MGAT4C: variants seen among roughly 807,000 people sequenced by gnomAD.
MGAT4C encodes the protein alpha-1,3-mannosyl-glycoprotein 4-beta-N-acetylglucosaminyltransferase C.
In MGAT4C, 19 loss-of-function variants were observed where a neutral mutation model predicts 40.1. The ratio of observed to expected loss-of-function variants is 0.47; its 90% CI spans 0.33 to 0.70. The LOEUF is 0.70. Ranked by LOEUF, MGAT4C falls within the 30% of genes least tolerant of loss-of-function variation. The probability of loss-of-function intolerance (pLI) is 0.02; values close to 1 mark genes in which losing one functional copy is unlikely to be tolerated. For missense variants in MGAT4C, 491 were observed against 563.2 expected (o/e 0.87, Z 1.30); for synonymous variants, 181 against 187.1 (o/e 0.97, Z 0.27).
At chr12:86,170,813 C>A (rs1383716851) in intron 1 of MGAT4C, among the ~76,000 whole-genome samples, 1 of 151,622 alleles carries the variant, frequency 6.6e-6, no homozygotes, top group Admixed American at 6.6e-5. Context: ...AATAGCTGGG[C>A]ATGTTAGTGT....
At chr12:86,139,276 T>C (rs928228694) in intron 1 of MGAT4C, among the ~76,000 whole-genome samples, 2 of 152,166 alleles carry the variant, frequency 1.3e-5, no homozygotes, top group African/African-American at 4.8e-5. Context: ...TGGGTGCTTC[T>C]CTCTTTCCTC....
At position 85,976,460 on chromosome 12, in the gene MGAT4C, A is replaced by C. The variant is rs1040817981; in HGVS notation, c.*2829T>G. ...CATAACTGCTGAAAAGGCTCCCCTA[A>C]GGAGAATTTTAAGACTAAGTAAGGT... On this transcript the variant is annotated 3_prime_UTR_variant, in exon 5 of 5. Transcript: ENST00000611864. The C allele has an allele frequency of 2.7e-5, 4 of 150,668 alleles. No individual in the cohort carries two copies. The highest frequency in any genetic ancestry group is 3.2e-3 in the Middle Eastern group (1 of 314). 9.3% of individuals were successfully genotyped at this position (150,668 alleles called of 1,614,324 possible).
At chr12:86,594,114 A>G (rs1961439328) in intron 2 of MGAT4C, among the ~76,000 whole-genome samples, 1 of 152,136 alleles carries the variant, frequency 6.6e-6, no homozygotes, top group Non-Finnish European at 1.5e-5. Flanking sequence ...TTAAGTAGGG[A>G]GTGAGAAGAA....
intron 2 of MGAT4C, among the ~76,000 whole-genome samples, chr12:86,017,573 C>T (rs891820669): frequency 5.3e-5 from 8 of 151,954 alleles, no homozygotes; most frequent in African/African-American, 7.2e-5. Flanking sequence ...AAAAAGGTAA[C>T]GAAAAAATAT....
intron 4 of MGAT4C, among the ~76,000 whole-genome samples, chr12:86,319,138 A>G (rs988875572): frequency 3.3e-5 from 5 of 152,112 alleles, no homozygotes; most frequent in Non-Finnish European, 5.9e-5. Context: ...TTCTACTCCT[A>G]CTGAAGCCCA....
intron 2 of MGAT4C, among the ~76,000 whole-genome samples, chr12:86,481,044 G>A (rs1218236311): frequency 2.0e-5 from 3 of 151,986 alleles, no homozygotes; most frequent in Non-Finnish European, 4.4e-5. Context: ...AATAAAACAT[G>A]CCTATAATCC....
At chr12:86,043,052 T>TGG (rs1350679400) in intron 2 of MGAT4C, among the ~76,000 whole-genome samples, 2 of 152,102 alleles carry the variant, frequency 1.3e-5, no homozygotes, top group Non-Finnish European at 2.9e-5. Context: ...CTATGAGTCT[T>TGG]GGGGATGGTC....
intron 2 of MGAT4C, among the ~76,000 whole-genome samples, chr12:86,603,812 TATA>T (rs963545495): frequency 1.4e-5 from 2 of 138,318 alleles, no homozygotes; most frequent in Non-Finnish European, 3.1e-5. Context: ...TTATATAGTA[TATA>T]ATAATAGTAA....
chr12:86,748,055 A>G (rs905498141), intron 1 of MGAT4C, among the ~76,000 whole-genome samples: 2 of 151,654 alleles, frequency 1.3e-5, no homozygotes, highest in African/African-American at 4.8e-5. Flanking sequence ...TCACTGCATT[A>G]TTATTTATCA....
intron 2 of MGAT4C, among the ~76,000 whole-genome samples, chr12:86,448,009 T>C (rs766827971): frequency 6.6e-6 from 1 of 152,196 alleles, no homozygotes; most frequent in African/African-American, 2.4e-5. Context: ...GTTGCTTTCA[T>C]TGGCCAATGG....
rs908288306 is a variant in MGAT4C at position 86,766,459 on chromosome 12, C to T, written c.-261-39218G>A. 1.2e-3 allele frequency among the ~76,000 whole-genome samples: 185 copies of T among 151,724 alleles called. 1 individual carries two copies. The highest frequency in any genetic ancestry group is 2.3e-3 in the Non-Finnish European group (159 of 67,996). ...CCACTGTCAACATTAGAAAGATCAACGAGACAGAAAGTTAACAAGGATACC... is the reference window on the plus strand; with the variant it reads ...CCACTGTCAACATTAGAAAGATCAATGAGACAGAAAGTTAACAAGGATACC... On this transcript the variant is annotated intron_variant, in intron 1 of 7. Coordinates refer to the MGAT4C transcript ENST00000548651.
chr12:86,506,780 A>G (rs1485459770), intron 2 of MGAT4C, among the ~76,000 whole-genome samples: 1 of 152,184 alleles, frequency 6.6e-6, no homozygotes, highest in African/African-American at 2.4e-5. Flanking sequence ...AGCTTCAAGC[A>G]TCTTTGGTAG....
chr12:85,989,623 A>G, intron 2 of MGAT4C, 71 bp from the exon 3 acceptor site: 2 of 1,352,462 alleles, frequency 1.5e-6, no homozygotes, highest in Non-Finnish European at 2.0e-6. Context: ...GCATATATAA[A>G]AGTCAGGTCC....
rs80105630 is a variant in MGAT4C, at chr12:86,195,783, A to C, written c.-57+60456T>G. 5.6e-4 allele frequency among the ~76,000 whole-genome samples: 86 copies of C among 152,288 alleles called. 1 individual carries two copies. The Middle Eastern group carries it at 0.028, about 49-fold the overall frequency. On this transcript the variant is annotated intron_variant, in intron 1 of 4. Transcript: ENST00000611864. ...GAGATTATCAGATTAACTGAATCATAAGGTGACTCACAAAATATATGAGAG... is the reference window on the plus strand; with the variant it reads ...GAGATTATCAGATTAACTGAATCATCAGGTGACTCACAAAATATATGAGAG...
At chr12:86,159,003 T>A (rs192016583) in intron 1 of MGAT4C, among the ~76,000 whole-genome samples, 190 of 152,288 alleles carry the variant, frequency 1.2e-3, no homozygotes, top group African/African-American at 4.4e-3. Context: ...TGACTTATTT[T>A]CCTATTTTGG....
chr12:86,172,050 T>C (rs1886910416), intron 1 of MGAT4C, among the ~76,000 whole-genome samples: 1 of 152,238 alleles, frequency 6.6e-6, no homozygotes, highest in Non-Finnish European at 1.5e-5. Context: ...ACATTTCTTT[T>C]GAACCTTTCC....
intron 2 of MGAT4C, among the ~76,000 whole-genome samples, chr12:86,626,946 G>A (rs568529226): frequency 8.2e-4 from 125 of 152,314 alleles, no homozygotes; most frequent in African/African-American, 2.9e-3. Flanking sequence ...CAAGGGGTTG[G>A]GGGATTTCCC....
chr12:86,203,608 C>A (rs763783955), intron 1 of MGAT4C, among the ~76,000 whole-genome samples: 1 of 152,062 alleles, frequency 6.6e-6, no homozygotes, highest in Non-Finnish European at 1.5e-5. Context: ...AGACAAAATG[C>A]CAGATTGAAT....
chr12:86,631,239 T>A (rs1232243429), intron 2 of MGAT4C, among the ~76,000 whole-genome samples: 1 of 151,988 alleles, frequency 6.6e-6, no homozygotes, highest in Non-Finnish European at 1.5e-5. Flanking sequence ...AAACCACTGC[T>A]CAATGAAATA....
Sources: gnomAD v4.1 joint callset for allele counts (sites outside exome capture counted in the v4.1 genomes callset) on GRCh38, gnomAD v4.1.1 for gene constraint, MANE v1.5 for transcripts, NCBI Gene and HGNC (gene_info 2026-07-23, HGNC 2026-07-21) for gene names.